TDRD5: variants seen among roughly 807,000 people sequenced by gnomAD.
TDRD5 encodes the protein tudor domain containing 5, also known as tudor domain-containing protein 5.
In TDRD5, 41 loss-of-function variants were observed where a neutral mutation model predicts 120.6. That is an observed-to-expected ratio of 0.34 (90% CI 0.26 to 0.44). The LOEUF is 0.44. TDRD5 is among the 20% of genes least tolerant of loss of function. TDRD5 has a pLI of 1.00. For missense variants in TDRD5, 1,006 were observed against 1,221.2 expected, an observed-to-expected ratio of 0.82 and a Z score of 2.63; for synonymous variants, 430 against 433.7, an observed-to-expected ratio of 0.99 and a Z score of 0.11.
Position 179,663,380 on chromosome 1 carries a change from G to T in TDRD5, c.2538G>T (p.Trp846Cys). The change falls in exon 16 of 18, where the codon TGG becomes TGT. Residue 846 changes from tryptophan to cysteine, a missense_variant. Around this residue, in one of 3 missense-constraint regions of TDRD5, gnomAD observed 403 missense variants for 448.1 expected, o/e 0.90. Coordinates refer to ENST00000444136, the MANE Select transcript of TDRD5 (RefSeq NM_001199085.3). ...DWCFSTPKDT[W>C]DDSWQPSGLV... The stretch of plus-strand genomic sequence containing the variant: ...GTTTTTCTACCCCTAAAGATACATG[G>T]GATGATTCTTGGCAGCCTTCAGGCC... 2 of 1,613,504 alleles carry T rather than the reference G, an allele frequency of 1.2e-6. No individual in the cohort carries two copies. The highest frequency in any genetic ancestry group is 1.7e-6 in the Non-Finnish European group (2 of 1,179,812).
At chr1:179,690,480 G>A (rs1681082744) in intron 17 of TDRD5, among the ~76,000 whole-genome samples, 1 of 152,100 alleles carries the variant, frequency 6.6e-6, no homozygotes, top group African/African-American at 2.4e-5. Context: ...CCTTCATCCT[G>A]ACAAGATTTA....
chr1:179,618,780 A>C (rs1676694855), intron 5 of TDRD5, 98 bp downstream of exon 5: 1 of 798,550 alleles, frequency 1.3e-6, no homozygotes, highest in South Asian at 3.0e-5. Context: ...TTTACATCTA[A>C]TCTTTAATAT....
chr1:179,620,902 A>AG (rs1186281947), intron 5 of TDRD5, 133 bp from the exon 6 acceptor site: 4 of 690,386 alleles, frequency 5.8e-6, no homozygotes, highest in African/African-American at 1.9e-5. Context: ...TTCAAAAAAA[A>AG]ACAATTTAAT....
At chr1:179,593,156 C>T (rs747984502) in intron 2 of TDRD5, among the ~76,000 whole-genome samples, 5 of 152,136 alleles carry the variant, frequency 3.3e-5, no homozygotes, top group Non-Finnish European at 7.4e-5. Context: ...TTTTAAATTT[C>T]GTGAAGCACA....
chr1:179,596,494 C>T (rs1675397528), intron 4 of TDRD5, among the ~76,000 whole-genome samples: 1 of 152,192 alleles, frequency 6.6e-6, no homozygotes, highest in Non-Finnish European at 1.5e-5. Flanking sequence ...GTTTCTTTCC[C>T]CAACTGCAGC....
At chr1:179,659,988 G>A (rs7547988) in intron 14 of TDRD5, among the ~76,000 whole-genome samples, 45,687 of 151,974 alleles carry the variant, frequency 0.3, 7,812 homozygotes, top group Admixed American at 0.4. Flanking sequence ...GAGCCACTGT[G>A]CTCAGCCTTG....
intron 17 of TDRD5, 24 bp from the exon 18 acceptor site, chr1:179,690,672 G>A: frequency 6.2e-7 from 1 of 1,607,496 alleles, no homozygotes; most frequent in South Asian, 1.1e-5. Context: ...TTGAAAAGAT[G>A]TTTGTGTACT....
At chr1:179,637,041 A>G (rs189001228) in intron 9 of TDRD5, among the ~76,000 whole-genome samples, 1 of 152,260 alleles carries the variant, frequency 6.6e-6, no homozygotes, top group Non-Finnish European at 1.5e-5. Flanking sequence ...GTTAGCAAAC[A>G]CCATGTAAAA....
At chr1:179,622,783 A>T (rs1013840810) in intron 6 of TDRD5, among the ~76,000 whole-genome samples, 2 of 152,182 alleles carry the variant, frequency 1.3e-5, no homozygotes, top group Non-Finnish European at 2.9e-5. Context: ...AAATGGCCTA[A>T]TGTATCTATT....
intron 4 of TDRD5, among the ~76,000 whole-genome samples, chr1:179,614,020 T>A (rs1235338066): frequency 6.6e-6 from 1 of 152,238 alleles, no homozygotes; most frequent in Non-Finnish European, 1.5e-5. Flanking sequence ...ATGTGCATCC[T>A]CTTTCCAAAG....
chr1:179,689,625 T>G (rs529962123), intron 17 of TDRD5, among the ~76,000 whole-genome samples: 28 of 151,490 alleles, frequency 1.8e-4, no homozygotes, highest in Non-Finnish European at 3.7e-4. Flanking sequence ...TGCTGCCTTT[T>G]GTTCAGCTAT....
chr1:179,684,022 A>T (rs1680568120), intron 17 of TDRD5, among the ~76,000 whole-genome samples: 1 of 152,086 alleles, frequency 6.6e-6, no homozygotes, highest in Non-Finnish European at 1.5e-5. Flanking sequence ...TTTCTTCTTC[A>T]TTAAAACTAA....
At position 179,618,650 on chromosome 1, in the gene TDRD5, A is replaced by G. The variant is rs764394319; in HGVS notation, c.883A>G (p.Ile295Val). The G allele has an allele frequency of 1.9e-6, 3 of 1,601,744 alleles. No homozygotes were observed. The highest frequency in any genetic ancestry group is 2.3e-5 in the South Asian group (2 of 88,158). Residue 295 changes from isoleucine to valine, a missense_variant, in exon 5 of 18, where the codon ATC becomes GTC. This residue lies in a region of TDRD5 where 445 missense variants were observed against 515.5 expected (regional missense o/e 0.86). Coordinates refer to ENST00000444136, the MANE Select transcript of TDRD5 (RefSeq NM_001199085.3). ...VIAQIGPGGTISSELKHKIKF... is the reference protein window; with the variant it reads ...VIAQIGPGGTVSSELKHKIKF... ...TGCACAGATTGGACCTGGAGGAACT[A>G]TCAGTTCAGAACTAAAACATAAGAT...
chr1:179,623,710 T>C (rs1253579107), intron 6 of TDRD5, among the ~76,000 whole-genome samples: 2 of 147,304 alleles, frequency 1.4e-5, no homozygotes, highest in East Asian at 2.0e-4. Context: ...CTTGGGTTAC[T>C]GCAGCCTTGA....
intron 15 of TDRD5, among the ~76,000 whole-genome samples, chr1:179,662,843 T>C (rs1048349718): frequency 6.6e-6 from 1 of 152,194 alleles, no homozygotes. Flanking sequence ...TGTTTTATCA[T>C]TGGCCCCTAG....
chr1:179,608,453 CA>C (rs1572339861), intron 4 of TDRD5, among the ~76,000 whole-genome samples: 1 of 150,530 alleles, frequency 6.6e-6, no homozygotes, highest in Non-Finnish European at 1.5e-5. Context: ...TCTTTCATTA[CA>C]ATTCTCTTTT....
intron 4 of TDRD5, among the ~76,000 whole-genome samples, chr1:179,609,188 A>G (rs79749250): frequency 0.016 from 2,512 of 152,266 alleles, 51 homozygotes; most frequent in African/African-American, 0.056. Flanking sequence ...TGGGTAGTAC[A>G]GGTCAAATAT....
At chr1:179,655,381 A>G (rs1678945831) in intron 14 of TDRD5, among the ~76,000 whole-genome samples, 1 of 152,202 alleles carries the variant, frequency 6.6e-6, no homozygotes. Flanking sequence ...GGCTTGGCCA[A>G]GTATTATAGT....
intron 9 of TDRD5, among the ~76,000 whole-genome samples, chr1:179,639,272 G>C (rs947542039): frequency 3.3e-5 from 5 of 152,128 alleles, no homozygotes; most frequent in African/African-American, 1.2e-4. Flanking sequence ...TTGTCACAGA[G>C]CTGGTAAATG....
Sources: gnomAD v4.1 joint callset for allele counts (sites outside exome capture counted in the v4.1 genomes callset) on GRCh38, gnomAD v4.1.1 for gene constraint, gnomAD v4.1.1 regional missense constraint, MANE v1.5 for transcripts, NCBI Gene and HGNC (gene_info 2026-07-23, HGNC 2026-07-21) for gene names.